Variants in CNTNAP4 observed in about 807,000 individuals in gnomAD.
CNTNAP4 encodes the protein contactin-associated protein-like 4.
Under a neutral mutation model 148.4 loss-of-function variants are expected in CNTNAP4, and 98 were observed. The ratio of observed to expected loss-of-function variants is 0.66; its 90% confidence interval spans 0.56 to 0.78. The LOEUF is 0.78. Among genes scored for constraint, CNTNAP4 ranks in the 30% least tolerant of loss-of-function variants. The pLI, the probability that CNTNAP4 is intolerant of heterozygous loss-of-function variation, is 0.00. For missense variants in CNTNAP4, 1,935 were observed against 1,565.6 expected (o/e 1.24, Z -3.98); for synonymous variants, 730 against 565.1 (o/e 1.29, Z -4.14).
chr16:76,315,006 CATATT>C (rs995073753), intron 1 of CNTNAP4, among the ~76,000 whole-genome samples: 4 of 152,108 alleles, frequency 2.6e-5, no homozygotes, highest in African/African-American at 9.7e-5. Flanking sequence ...CAACATATTA[CATATT>C]ATTTTATAAC....
At chr16:76,340,137 T>C (rs1964348267) in intron 2 of CNTNAP4, among the ~76,000 whole-genome samples, 1 of 152,048 alleles carries the variant, frequency 6.6e-6, no homozygotes, top group African/African-American at 2.4e-5. Flanking sequence ...CCAGGAAAAA[T>C]ACCATCCAAC....
intron 2 of CNTNAP4, among the ~76,000 whole-genome samples, chr16:76,339,144 A>G (rs1361206800): frequency 1.3e-5 from 2 of 152,020 alleles, no homozygotes; most frequent in Non-Finnish European, 2.9e-5. Context: ...TACATTCTAT[A>G]TGCTTTGCTA....
rs116484097 is a variant in CNTNAP4 at position 76,455,455 on chromosome 16, T to G, written c.1333+2686T>G. ...TGACAATGGAGCAGCCCCCTTGATT[T>G]GCTGCACCCAGGAGAGCCATTTTTG... On this transcript the variant is annotated intron_variant, in intron 8 of 23. Coordinates refer to ENST00000611870, the MANE Select transcript of CNTNAP4 (RefSeq NM_033401.5). Among the ~76,000 whole-genome samples the G allele has an allele frequency of 8.7e-3, 1,327 of 152,302 alleles. 15 individuals carry two copies. The highest frequency in any genetic ancestry group is 0.03 in the African/African-American group (1,250 of 41,568).
chr16:76,354,537 T>C (rs888960452), intron 2 of CNTNAP4, among the ~76,000 whole-genome samples: 3 of 152,198 alleles, frequency 2.0e-5, no homozygotes, highest in Non-Finnish European at 4.4e-5. Context: ...GTTGGTAAAC[T>C]GGCTGGGGTG....
chr16:76,332,126 T>C (rs114551390), intron 2 of CNTNAP4, among the ~76,000 whole-genome samples: 1,697 of 152,344 alleles, frequency 0.011, 30 homozygotes, highest in African/African-American at 0.039. Context: ...TTTAAGATTT[T>C]TTCTTTGTCT....
chr16:76,407,114 CA>C (rs2078623889), intron 3 of CNTNAP4, among the ~76,000 whole-genome samples: 1 of 152,108 alleles, frequency 6.6e-6, no homozygotes, highest in Admixed American at 6.6e-5. Context: ...AGACAGTGCT[CA>C]TTTACCATTC....
At chr16:76,479,617 A>T in intron 12 of CNTNAP4, 79 bp downstream of exon 12, 1 of 1,447,124 alleles carries the variant, frequency 6.9e-7, no homozygotes, top group Non-Finnish European at 9.4e-7. Context: ...AAATAAGCAG[A>T]ATGTTGACGT....
intron 2 of CNTNAP4, among the ~76,000 whole-genome samples, chr16:76,353,662 TTG>T: frequency 6.6e-6 from 1 of 152,080 alleles, no homozygotes; most frequent in Non-Finnish European, 1.5e-5. Context: ...CCTATCCTGC[TTG>T]TCATACAGAA....
At position 76,441,583 on chromosome 16, in the gene CNTNAP4, T is replaced by G. The variant is rs145498906; in HGVS notation, c.539-6429T>G. Among the ~76,000 whole-genome samples, 463 of 152,194 alleles carry G rather than the reference T, an allele frequency of 3.0e-3. 3 individuals are homozygous for G. Among genetic ancestry groups the G allele is most frequent in the African/African-American group, 0.01 (424 of 41,536 alleles). ...GGTCACCAGCAATTGCTGTGGTAAG[T>G]CAGCTTGGGTAGGAGCTGACAGACA... On this transcript the variant is annotated intron_variant, in intron 4 of 23. Transcript: ENST00000611870.
chr16:76,362,540 G>A (rs1475352876), intron 3 of CNTNAP4, among the ~76,000 whole-genome samples: 1 of 152,118 alleles, frequency 6.6e-6, no homozygotes, highest in Non-Finnish European at 1.5e-5. Flanking sequence ...CTACAATATG[G>A]TGCTGGCATA....
rs1188476505 is a variant in CNTNAP4, at chr16:76,280,098, AGT to A, written c.85+2352_85+2353del. On this transcript the variant is annotated intron_variant, in intron 1 of 23. Coordinates refer to ENST00000611870, the MANE Select transcript of CNTNAP4 (RefSeq NM_033401.5). ...AAGTGAGTCAGTCTTGACTACCAATAGTAATATTGGAAATAACTGAATATAAA... is the reference window on the plus strand; with the variant it reads ...AAGTGAGTCAGTCTTGACTACCAATAAATATTGGAAATAACTGAATATAAA... Among the ~76,000 whole-genome samples the A allele has an allele frequency of 2.6e-5, 4 of 152,344 alleles. No individual in the cohort carries two copies. In the East Asian group the frequency reaches 7.7e-4, roughly 29 times the overall value.
intron 1 of CNTNAP4, among the ~76,000 whole-genome samples, chr16:76,303,213 C>G (rs961569552): frequency 2.0e-5 from 3 of 151,942 alleles, no homozygotes; most frequent in Non-Finnish European, 2.9e-5. Flanking sequence ...TTTTTTTTCC[C>G]TTAGTGAGAA....
At position 76,467,359 on chromosome 16, in the gene CNTNAP4, T is replaced by C; in HGVS notation, c.1491T>C (p.Pro497=). 1 of 1,613,818 alleles carries C rather than the reference T, an allele frequency of 6.2e-7. No individual in the cohort carries two copies. The highest frequency in any genetic ancestry group is 8.5e-7 in the Non-Finnish European group (1 of 1,179,804). The change falls in exon 10 of 24, where the codon CCT becomes CCC. Residue 497 remains proline (P), a synonymous_variant. Coordinates refer to ENST00000611870, the MANE Select transcript of CNTNAP4 (RefSeq NM_033401.5). ...SGGTYYFGGC[P]DKSFGSKCKS... ...TTATTTCGTTTTTATCAGGTTGTCCTGACAAAAGCTTTGGATCCAAATGTA... is the reference window on the plus strand; with the variant it reads ...TTATTTCGTTTTTATCAGGTTGTCCCGACAAAAGCTTTGGATCCAAATGTA...
intron 2 of CNTNAP4, among the ~76,000 whole-genome samples, chr16:76,341,580 C>T (rs1399818855): frequency 6.6e-6 from 1 of 152,138 alleles, no homozygotes; most frequent in African/African-American, 2.4e-5. Flanking sequence ...ATGTGGCCAT[C>T]TGGTTTTGAC....
intron 10 of CNTNAP4, among the ~76,000 whole-genome samples, chr16:76,470,941 C>G (rs999534994): frequency 5.3e-5 from 8 of 152,136 alleles, no homozygotes; most frequent in African/African-American, 1.9e-4. Context: ...CTTACACTTT[C>G]ACACACCATC....
At chr16:76,490,447 G>A (rs1037956192) in intron 13 of CNTNAP4, among the ~76,000 whole-genome samples, 2 of 152,036 alleles carry the variant, frequency 1.3e-5, no homozygotes, top group Non-Finnish European at 2.9e-5. Flanking sequence ...CCTGAGTTCT[G>A]GTTTTGGTCT....
intron 21 of CNTNAP4, among the ~76,000 whole-genome samples, chr16:76,551,743 C>T (rs977144856): frequency 7.9e-5 from 12 of 152,156 alleles, no homozygotes; most frequent in African/African-American, 2.9e-4. Flanking sequence ...AGAACACTGG[C>T]TAGCACATAA....
intron 11 of CNTNAP4, among the ~76,000 whole-genome samples, chr16:76,477,326 T>C (rs67436841): frequency 0.1 from 15,212 of 152,134 alleles, 933 homozygotes; most frequent in South Asian, 0.2. Context: ...TTCCCCCCCA[T>C]TTTTTCCGAT....
At chr16:76,438,443 A>G (rs2079915100) in intron 4 of CNTNAP4, among the ~76,000 whole-genome samples, 2 of 152,180 alleles carry the variant, frequency 1.3e-5, no homozygotes, top group Non-Finnish European at 2.9e-5. Flanking sequence ...GTAATCTGTC[A>G]CAGGAATAGA....
Sources: allele counts gnomAD v4.1 joint callset (sites outside exome capture counted in the v4.1 genomes callset), GRCh38; gene constraint gnomAD v4.1.1; transcripts MANE v1.5; gene names NCBI Gene and HGNC (gene_info 2026-07-23, HGNC 2026-07-21).